The following STXBP6 variants were observed in gnomAD, a reference collection of about 807,000 sequenced individuals.
The protein encoded by STXBP6 is syntaxin-binding protein 6.
In STXBP6, 21 loss-of-function variants were observed where a neutral mutation model predicts 26.9. The observed-to-expected ratio is 0.78, with a 90% CI of 0.55 to 1.12. The LOEUF is 1.12. Ranked by LOEUF, STXBP6 falls within the 50% of genes most tolerant of loss-of-function variation. The pLI is 0.00. For missense variants in STXBP6, 232 were observed against 257.9 expected (o/e 0.90, Z 0.69); for synonymous variants, 97 against 92.6 (o/e 1.05, Z -0.27).
chr14:24,999,726 C>T (rs550095699), intron 1 of STXBP6, among the ~76,000 whole-genome samples: 16 of 152,162 alleles, frequency 1.1e-4, no homozygotes, highest in Non-Finnish European at 2.1e-4. Flanking sequence ...AGGATTATAG[C>T]TGAAAGAGTT....
At chr14:24,889,820 G>A (rs942071450) in intron 2 of STXBP6, among the ~76,000 whole-genome samples, 7 of 152,180 alleles carry the variant, frequency 4.6e-5, no homozygotes, top group Non-Finnish European at 1.0e-4. Flanking sequence ...ATGTTATTTA[G>A]TTTTAGCAGA....
At chr14:25,042,898 C>G (rs1033423129) in intron 1 of STXBP6, among the ~76,000 whole-genome samples, 5 of 152,226 alleles carry the variant, frequency 3.3e-5, no homozygotes, top group Admixed American at 1.3e-4. Flanking sequence ...CCTCTTGGAC[C>G]CAAATACGTT....
At chr14:24,883,310 T>C (rs570254515) in intron 2 of STXBP6, among the ~76,000 whole-genome samples, 1 of 152,280 alleles carries the variant, frequency 6.6e-6, no homozygotes, top group East Asian at 1.9e-4. Flanking sequence ...TACAAAAAAG[T>C]GGTAAAGGAA....
At chr14:24,879,904 G>A (rs539066275) in intron 2 of STXBP6, among the ~76,000 whole-genome samples, 6 of 152,222 alleles carry the variant, frequency 3.9e-5, no homozygotes, top group South Asian at 2.1e-4. Context: ...TGCCTGCTCC[G>A]AACCCACCAC....
At chr14:25,041,721 C>A (rs907231245) in intron 1 of STXBP6, among the ~76,000 whole-genome samples, 1 of 152,198 alleles carries the variant, frequency 6.6e-6, no homozygotes, top group African/African-American at 2.4e-5. Flanking sequence ...ATGACATGGC[C>A]ACCTCTACCT....
At chr14:24,876,507 T>G (rs1257176374) in intron 2 of STXBP6, among the ~76,000 whole-genome samples, 1 of 152,158 alleles carries the variant, frequency 6.6e-6, no homozygotes. Context: ...TCCTTCCTCT[T>G]CTTGCAAGGA....
intron 2 of STXBP6, among the ~76,000 whole-genome samples, chr14:24,905,505 C>T (rs894271739): frequency 3.9e-5 from 6 of 152,108 alleles, no homozygotes; most frequent in South Asian, 2.1e-4. Context: ...CCTATTCCTG[C>T]CTGTCTAACA....
chr14:25,025,376 T>C (rs1163779653), intron 1 of STXBP6, among the ~76,000 whole-genome samples: 2 of 152,148 alleles, frequency 1.3e-5, no homozygotes, highest in African/African-American at 4.8e-5. Context: ...GTGTCTGCCC[T>C]AAGGCTGCCT....
intron 5 of STXBP6, among the ~76,000 whole-genome samples, chr14:24,814,501 G>A (rs1203015871): frequency 6.6e-6 from 1 of 152,214 alleles, no homozygotes; most frequent in Non-Finnish European, 1.5e-5. Context: ...TTTACCCACA[G>A]CTATTAATTT....
At position 25,049,967 on chromosome 14, in the gene STXBP6, G is replaced by A. The variant is rs1451120218; in HGVS notation, c.-122C>T. The A allele has an allele frequency of 2.7e-6, 2 of 743,482 alleles. No individual in the cohort carries two copies. The highest frequency in any genetic ancestry group is 6.3e-5 in the Admixed American group (1 of 15,928). The allele number at this position is 743,482 out of a possible 1,614,324, so 46.1% of individuals were successfully genotyped here. On this transcript the variant is annotated 5_prime_UTR_variant, in exon 1 of 6. Transcript: ENST00000323944. This position sits in a 1 kb window ranked among gnomAD's most constrained non-coding sequence, Gnocchi z 5.6. ...CTCCCCGGGGGGCTGCCCCGCGCGG[G>A]GCTCCGGGCTCCGGACAAGGCTTAG... is the stretch of plus-strand genomic sequence containing the variant.
chr14:24,856,022 A>T lies in STXBP6; in HGVS notation c.365T>A (p.Phe122Tyr). ...GCAGGTATGGTGGAGGATCTGGAAGAAGGTGCATTTTTCTGACGCTGTGCT... is the reference window on the plus strand; with the variant it reads ...GCAGGTATGGTGGAGGATCTGGAAGTAGGTGCATTTTTCTGACGCTGTGCT... Reference protein sequence around the residue: ...VASTASEKCTFFQILHHTCQR... With the variant: ...VASTASEKCTYFQILHHTCQR... Residue 122 changes from phenylalanine to tyrosine, a missense_variant, in exon 4 of 6, where the codon TTC becomes TAC. Physicochemically the swap from Phe to Tyr is conservative, Grantham distance 22. Coordinates refer to ENST00000323944, the MANE Select transcript of STXBP6 (RefSeq NM_001394410.1). 6.2e-7 allele frequency: 1 copy of T among 1,611,808 alleles called. No individual in the cohort carries two copies. Among genetic ancestry groups the T allele is most frequent in the East Asian group, 2.2e-5 (1 of 44,778 alleles).
At chr14:24,866,107 G>A (rs1421404003) in intron 2 of STXBP6, among the ~76,000 whole-genome samples, 4 of 152,130 alleles carry the variant, frequency 2.6e-5, no homozygotes, top group Non-Finnish European at 5.9e-5. Context: ...TGTGGACTTT[G>A]AGTAAAGCAC....
intron 2 of STXBP6, among the ~76,000 whole-genome samples, chr14:24,897,301 T>G (rs1327973953): frequency 1.3e-5 from 2 of 150,056 alleles, no homozygotes; most frequent in Non-Finnish European, 3.0e-5. Flanking sequence ...TCCCAGCTAC[T>G]CGGGAGGCTG....
intron 2 of STXBP6, among the ~76,000 whole-genome samples, chr14:24,946,628 G>A (rs935830153): frequency 6.6e-6 from 1 of 152,188 alleles, no homozygotes; most frequent in African/African-American, 2.4e-5. Context: ...GAGGGTCTCA[G>A]TCAGACCAAA....
chr14:25,004,092 G>A (rs1280739496), intron 1 of STXBP6, among the ~76,000 whole-genome samples: 1 of 152,198 alleles, frequency 6.6e-6, no homozygotes, highest in African/African-American at 2.4e-5. Context: ...TAACAAGAGC[G>A]AATGTGAGTG....
intron 4 of STXBP6, among the ~76,000 whole-genome samples, chr14:24,826,566 T>A (rs2068290697): frequency 6.6e-6 from 1 of 152,178 alleles, no homozygotes; most frequent in Non-Finnish European, 1.5e-5. Context: ...GTGGACCACC[T>A]CACCCCATGC....
intron 2 of STXBP6, among the ~76,000 whole-genome samples, chr14:24,897,834 G>T (rs929866695): frequency 5.9e-5 from 9 of 152,108 alleles, no homozygotes; most frequent in African/African-American, 2.2e-4. Context: ...TAATTGCTGT[G>T]GTGGTTTGGC....
chr14:24,848,702 T>C (rs1019735765), intron 4 of STXBP6, among the ~76,000 whole-genome samples: 9 of 152,256 alleles, frequency 5.9e-5, no homozygotes, highest in African/African-American at 2.2e-4. Flanking sequence ...AAAAATTGCA[T>C]CTGTGACCCA....
chr14:24,988,264 CCTT>C (rs2074383475), intron 1 of STXBP6, among the ~76,000 whole-genome samples: 1 of 152,166 alleles, frequency 6.6e-6, no homozygotes, highest in African/African-American at 2.4e-5. Flanking sequence ...CAGGACCTAT[CCTT>C]CTTCATTCAA....
Sources: gnomAD v4.1 joint callset for allele counts (sites outside exome capture counted in the v4.1 genomes callset) on GRCh38, gnomAD v4.1.1 for gene constraint, Gnocchi (gnomAD v3.1) non-coding constraint, MANE v1.5 for transcripts, NCBI Gene and HGNC (gene_info 2026-07-23, HGNC 2026-07-21) for gene names.